The following PTPRT variants were observed in gnomAD, a reference collection of about 807,000 sequenced individuals.
PTPRT encodes the protein receptor-type tyrosine-protein phosphatase T.
PTPRT carries 56 observed loss-of-function variants against 176.8 expected under a neutral mutation model. The ratio of observed to expected loss-of-function variants is 0.32; its 90% CI spans 0.26 to 0.40. The LOEUF is 0.40. Ranked by LOEUF, PTPRT falls within the 10% of genes least tolerant of loss-of-function variation. The probability of loss-of-function intolerance (pLI) is 1.00; values close to 1 mark genes in which losing one functional copy is unlikely to be tolerated. For missense variants in PTPRT, 1,540 were observed against 1,908.2 expected (o/e 0.81, Z 3.60); for synonymous variants, 783 against 739.0 (o/e 1.06, Z -0.96).
rs1338644027 is a variant in PTPRT at position 42,079,743 on chromosome 20, C to G, written c.*1136G>C. On this transcript the variant is annotated 3_prime_UTR_variant, in exon 31 of 31. Coordinates refer to ENST00000373187, the MANE Select transcript of PTPRT (RefSeq NM_007050.6). ...AGGAAGGAGTTCAAATTTGGACATC[C>G]AAATTATGCACAAAGCTGGTGCTCT... The G allele has an allele frequency of 1.3e-5, 3 of 228,966 alleles. No individual in the cohort carries two copies. Among genetic ancestry groups the G allele is most frequent in the Non-Finnish European group, 2.6e-5 (3 of 115,426 alleles). 14.2% of individuals were successfully genotyped at this position (228,966 alleles called of 1,614,324 possible).
intron 1 of PTPRT, among the ~76,000 whole-genome samples, chr20:43,019,228 G>A (rs1032050220): frequency 6.6e-6 from 1 of 152,100 alleles, no homozygotes; most frequent in Non-Finnish European, 1.5e-5. Context: ...TACTCAGATC[G>A]CTGGTAAAAC....
At chr20:43,113,691 T>C (rs1446000335) in intron 1 of PTPRT, among the ~76,000 whole-genome samples, 1 of 152,198 alleles carries the variant, frequency 6.6e-6, no homozygotes. Flanking sequence ...GAACCAAGGA[T>C]AGACTTAAAA....
At chr20:42,056,606 G>A in the PTPRT span, among the ~76,000 whole-genome samples, 4 of 152,190 alleles carry the variant, frequency 2.6e-5, no homozygotes, top group African/African-American at 9.6e-5. Flanking sequence ...TCCCTGTGTG[G>A]ATATGAGTGC....
intron 26 of PTPRT, among the ~76,000 whole-genome samples, chr20:42,101,839 G>T (rs1055030336): frequency 6.6e-6 from 1 of 152,208 alleles, no homozygotes; most frequent in Admixed American, 6.5e-5. Context: ...AATGGAAGAG[G>T]TTGCTAGGCA....
chr20:43,174,946 G>A (rs1250268995), intron 1 of PTPRT, among the ~76,000 whole-genome samples: 1 of 152,232 alleles, frequency 6.6e-6, no homozygotes, highest in Admixed American at 6.5e-5. Flanking sequence ...CAGAGGCCTA[G>A]AAGTTTAGTC....
intron 6 of PTPRT, among the ~76,000 whole-genome samples, chr20:42,698,417 ACGCC>A (rs2075918081): frequency 6.6e-6 from 1 of 152,150 alleles, no homozygotes; most frequent in Non-Finnish European, 1.5e-5. Flanking sequence ...TAAATGGCAA[ACGCC>A]TGGGTCCCTC....
At chr20:42,360,041 A>C (rs1005167092) in intron 9 of PTPRT, among the ~76,000 whole-genome samples, 4 of 152,202 alleles carry the variant, frequency 2.6e-5, no homozygotes, top group African/African-American at 9.7e-5. Context: ...TGTGGGATCA[A>C]ACATAGGGAG....
At chr20:42,412,518 A>C (rs2059027971) in intron 9 of PTPRT, among the ~76,000 whole-genome samples, 3 of 152,232 alleles carry the variant, frequency 2.0e-5, no homozygotes, top group African/African-American at 7.2e-5. Flanking sequence ...ATAAACTTAT[A>C]CTTTACATAT....
intron 8 of PTPRT, among the ~76,000 whole-genome samples, chr20:42,464,571 A>G (rs2071073420): frequency 6.6e-6 from 1 of 152,188 alleles, no homozygotes; most frequent in Non-Finnish European, 1.5e-5. Flanking sequence ...CACAATGCCT[A>G]GTTCATAGTG....
chr20:42,126,609 T>C (rs1386433082), intron 19 of PTPRT, among the ~76,000 whole-genome samples: 2 of 152,212 alleles, frequency 1.3e-5, no homozygotes, highest in Non-Finnish European at 2.9e-5. Context: ...CACTGGCTAC[T>C]TCCCTTTCCC....
intron 14 of PTPRT, among the ~76,000 whole-genome samples, chr20:42,239,698 A>C (rs1368047542): frequency 6.6e-6 from 1 of 152,070 alleles, no homozygotes; most frequent in Non-Finnish European, 1.5e-5. Flanking sequence ...CTGGGATTAC[A>C]GGCATGAACC....
intron 1 of PTPRT, among the ~76,000 whole-genome samples, chr20:43,174,941 G>A (rs543026961): frequency 3.3e-5 from 5 of 152,178 alleles, no homozygotes; most frequent in African/African-American, 7.2e-5. Context: ...AAAGTCAGAG[G>A]CCTAGAAGTT....
intron 1 of PTPRT, among the ~76,000 whole-genome samples, chr20:43,056,464 A>C (rs1247645426): frequency 6.6e-6 from 1 of 152,246 alleles, no homozygotes; most frequent in African/African-American, 2.4e-5. Context: ...GGTACAGGGA[A>C]GTTTAAGATC....
intron 1 of PTPRT, among the ~76,000 whole-genome samples, chr20:43,028,723 G>C (rs887169485): frequency 2.6e-5 from 4 of 152,178 alleles, no homozygotes; most frequent in Non-Finnish European, 5.9e-5. Flanking sequence ...ATCCCTAGGG[G>C]CTGAAGACAG....
chr20:42,943,108 GAA>G (rs928400742), intron 1 of PTPRT, among the ~76,000 whole-genome samples: 3 of 152,176 alleles, frequency 2.0e-5, no homozygotes, highest in Non-Finnish European at 4.4e-5. Context: ...GCAACTTGAG[GAA>G]AAGAGTCTTT....
At chr20:42,496,454 G>C (rs1321509947) in intron 7 of PTPRT, among the ~76,000 whole-genome samples, 1 of 152,146 alleles carries the variant, frequency 6.6e-6, no homozygotes, top group Non-Finnish European at 1.5e-5. Context: ...CGTTCTGTCA[G>C]ATAATCTAAT....
intron 15 of PTPRT, among the ~76,000 whole-genome samples, chr20:42,219,864 C>T (rs1251564294): frequency 6.6e-6 from 1 of 152,048 alleles, no homozygotes; most frequent in African/African-American, 2.4e-5. Flanking sequence ...GCTTTTAGAG[C>T]AATACAGAAT....
At chr20:42,174,957 A>C (rs1448758428) in intron 16 of PTPRT, among the ~76,000 whole-genome samples, 3 of 152,198 alleles carry the variant, frequency 2.0e-5, no homozygotes, top group Non-Finnish European at 4.4e-5. Flanking sequence ...AGTTCAACAC[A>C]TCAGAGGTTA....
At chr20:42,134,841 G>T (rs1311649508) in intron 18 of PTPRT, among the ~76,000 whole-genome samples, 5 of 152,128 alleles carry the variant, frequency 3.3e-5, no homozygotes, top group Non-Finnish European at 5.9e-5. Flanking sequence ...ACAAAGCCTA[G>T]CACACCCTGC....
Sources: allele counts gnomAD v4.1 joint callset (sites outside exome capture counted in the v4.1 genomes callset), GRCh38; gene constraint gnomAD v4.1.1; transcripts MANE v1.5; gene names NCBI Gene and HGNC (gene_info 2026-07-23, HGNC 2026-07-21).